Variants in ABHD2 observed in about 807,000 individuals in gnomAD.
The protein encoded by ABHD2 is abhydrolase domain containing 2, acylglycerol lipase.
In ABHD2, 20 loss-of-function variants were observed where a neutral mutation model predicts 48.1. The ratio of observed to expected loss-of-function variants is 0.42; its 90% CI spans 0.29 to 0.60. The LOEUF (loss-of-function observed/expected upper bound fraction) is 0.60. Ranked by LOEUF, ABHD2 falls within the 20% of genes least tolerant of loss-of-function variation. ABHD2 has a pLI of 0.24. For missense variants in ABHD2, 405 were observed against 550.9 expected, an observed-to-expected ratio of 0.74 and a Z score of 2.65; for synonymous variants, 209 against 214.2, an observed-to-expected ratio of 0.98 and a Z score of 0.21.
In ABHD2 at chr15:89,092,431, C is replaced by CT. The variant is rs1901633425; in HGVS notation, c.-107+3870dup. ...ATTAACAAATTAGTTTGGTTTGTTGCTTAAAAACTATTTTGTTTTAAAATT... is the reference window on the plus strand; with the variant it reads ...ATTAACAAATTAGTTTGGTTTGTTGCTTTAAAAACTATTTTGTTTTAAAATT... On this transcript the variant is annotated intron_variant, in intron 1 of 10. Coordinates refer to ENST00000352732, the MANE Select transcript of ABHD2 (RefSeq NM_152924.5). This position sits in a 1 kb window ranked among gnomAD's most constrained non-coding sequence, Gnocchi z 4.4. Among the ~76,000 whole-genome samples the CT allele has an allele frequency of 6.6e-6, 1 of 152,114 alleles. No individual in the cohort carries two copies. The highest frequency in any genetic ancestry group is 1.5e-5 in the Non-Finnish European group (1 of 68,006).
chr15:89,067,387 C>T, the ABHD2 span, among the ~76,000 whole-genome samples: 1 of 152,180 alleles, frequency 6.6e-6, no homozygotes, highest in Non-Finnish European at 1.5e-5. Context: ...GTTTAAGTTA[C>T]AATCGATCTA....
intron 3 of ABHD2, among the ~76,000 whole-genome samples, chr15:89,124,672 G>A (rs2050104247): frequency 6.6e-6 from 1 of 152,218 alleles, no homozygotes; most frequent in South Asian, 2.1e-4. Flanking sequence ...GAGTTGTGCA[G>A]ACTGGGCATG....
chr15:89,185,424 G>A lies in ABHD2; in HGVS notation c.723G>A (p.Arg241=). Residue 241 remains arginine, a splice_region_variant and synonymous_variant, in exon 7 of 11, where the codon AGG becomes AGA. Coordinates refer to ENST00000352732, the MANE Select transcript of ABHD2 (RefSeq NM_152924.5). The surrounding 1 kb of genome is among the most constrained non-coding windows in gnomAD (Gnocchi z 5.9). The part of the protein sequence containing the change: ...VSVCQGYSAL[R]AQETFMQWDQ... ...CCCTCACTCGCTGTGGTTCTTCCAGGGCCCAGGAAACCTTCATGCAATGGG... is the reference window on the plus strand; with the variant it reads ...CCCTCACTCGCTGTGGTTCTTCCAGAGCCCAGGAAACCTTCATGCAATGGG... The A allele has an allele frequency of 1.2e-6, 2 of 1,613,996 alleles. No homozygotes were observed. The highest frequency in any genetic ancestry group is 1.1e-5 in the South Asian group (1 of 91,074).
Position 89,189,154 on chromosome 15 carries a change from T to C in ABHD2, c.926+851T>C. ...AAAAAGGAAAAGTTGACCTCTGATCTCATCATTCTCTTTAAATACGTGATC... is the reference window on the plus strand; with the variant it reads ...AAAAAGGAAAAGTTGACCTCTGATCCCATCATTCTCTTTAAATACGTGATC... On this transcript the variant is annotated intron_variant, in intron 8 of 10. Transcript: ENST00000352732. This position sits in a 1 kb window ranked among gnomAD's most constrained non-coding sequence, Gnocchi z 4.9. Among the ~76,000 whole-genome samples, 1 of 152,208 alleles carries C rather than the reference T, an allele frequency of 6.6e-6. No individual in the cohort carries two copies. The highest frequency in any genetic ancestry group is 1.9e-4 in the East Asian group (1 of 5,186).
chr15:89,202,206 T>C lies in ABHD2; in HGVS notation c.*6783T>C, dbSNP rs2051472726. 2 of 158,828 alleles carry C rather than the reference T, an allele frequency of 1.3e-5. No homozygotes were observed. The highest frequency in any genetic ancestry group is 4.8e-5 in the African/African-American group (2 of 41,516). 9.8% of individuals were successfully genotyped at this position (158,828 alleles called of 1,614,324 possible). A position where few individuals can be genotyped will look rare whatever the true frequency, so the allele number is the denominator to read the frequency against. On this transcript the variant is annotated 3_prime_UTR_variant, in exon 11 of 11. Transcript: ENST00000352732. ...CTTTATTAAGAAATTATACTAAACA[T>C]TGATGTCCTTGATCATTTTATGTTC... is the stretch of plus-strand genomic sequence containing the variant.
chr15:89,058,541 G>A, the ABHD2 span, among the ~76,000 whole-genome samples: 1,010 of 152,252 alleles, frequency 6.6e-3, 14 homozygotes, highest in African/African-American at 0.023. Context: ...AACATGGCCC[G>A]AGGAGGTGCA....
At chr15:89,131,203 C>T (rs573799068) in intron 3 of ABHD2, among the ~76,000 whole-genome samples, 59 of 152,318 alleles carry the variant, frequency 3.9e-4, no homozygotes, top group African/African-American at 1.4e-3. Flanking sequence ...GGTCCAGCAT[C>T]AGCCCTCGCT....
At chr15:89,093,767 C>T (rs1040849410) in intron 1 of ABHD2, 17 of 152,196 alleles carry the variant, frequency 1.1e-4, no homozygotes, top group African/African-American at 4.1e-4. Context: ...CCTGACCTGG[C>T]CTCGCTAACA....
rs958453859 is a variant in ABHD2 at position 89,196,052 on chromosome 15, C to G, written c.*629C>G. On this transcript the variant is annotated 3_prime_UTR_variant, in exon 11 of 11. Coordinates refer to ENST00000352732, the MANE Select transcript of ABHD2 (RefSeq NM_152924.5). ...CGTGAGGCACTTGTTAAAAATTCAGCCTCCCAGGTCCCTCCCCTCGGAGAG... is the reference window on the plus strand; with the variant it reads ...CGTGAGGCACTTGTTAAAAATTCAGGCTCCCAGGTCCCTCCCCTCGGAGAG... 1 of 152,624 alleles carries G rather than the reference C, an allele frequency of 6.6e-6. No individual in the cohort carries two copies. The highest frequency in any genetic ancestry group is 2.4e-5 in the African/African-American group (1 of 41,438). The allele number at this position is 152,624 out of a possible 1,614,324, so 9.5% of individuals were successfully genotyped here.
intron 5 of ABHD2, among the ~76,000 whole-genome samples, chr15:89,170,705 G>A (rs2050911580): frequency 6.6e-6 from 1 of 152,152 alleles, no homozygotes; most frequent in African/African-American, 2.4e-5. Flanking sequence ...CCAGTCCTGG[G>A]TATTGGCAAA....
rs1046013667 is a variant in ABHD2, at chr15:89,195,218, C to G, written c.1082-9C>G. ...AACAGTAACTCACTCAGCTGCGTTTCCCCTGCAGAGAAACGAGAGAACGTC... is the reference window on the plus strand; with the variant it reads ...AACAGTAACTCACTCAGCTGCGTTTGCCCTGCAGAGAAACGAGAGAACGTC... On this transcript the variant is annotated splice_polypyrimidine_tract_variant and intron_variant, in intron 10 of 10. Transcript: ENST00000352732. This position sits in a 1 kb window ranked among gnomAD's most constrained non-coding sequence, Gnocchi z 5.1. 5 of 1,611,718 alleles carry G rather than the reference C, an allele frequency of 3.1e-6. No individual in the cohort carries two copies. The African/African-American group carries it at 6.7e-5, about 22-fold the overall frequency.
chr15:89,134,364 G>A (rs1479410278), intron 3 of ABHD2, among the ~76,000 whole-genome samples: 4 of 151,810 alleles, frequency 2.6e-5, no homozygotes, highest in Admixed American at 6.6e-5. Flanking sequence ...TTTTCAAGAC[G>A]GCTACACTTT....
upstream of ABHD2, among the ~76,000 whole-genome samples, chr15:89,083,500 A>G (rs552432286): frequency 8.1e-4 from 123 of 152,262 alleles, no homozygotes; most frequent in African/African-American, 2.8e-3. The surrounding 1 kb of genome is among the most constrained non-coding windows in gnomAD (Gnocchi z 5.1). Context: ...ACGTGCGTGT[A>G]TGTGTGTTTG....
At chr15:89,183,380 A>ATATATATAT (rs1198026419) in intron 6 of ABHD2, 27 of 58,348 alleles carry the variant, frequency 4.6e-4, no homozygotes, top group African/African-American at 1.4e-3. Flanking sequence ...AAAAAAAAAA[A>ATATATATAT]AAAAATATAT....
At position 89,179,982 on chromosome 15, in the gene ABHD2, G is replaced by A. The variant is rs1385593096; in HGVS notation, c.722+3987G>A. 6.6e-6 allele frequency among the ~76,000 whole-genome samples: 1 copy of A among 152,182 alleles called. No homozygotes were observed. Among genetic ancestry groups the A allele is most frequent in the Non-Finnish European group, 1.5e-5 (1 of 68,032 alleles). On this transcript the variant is annotated intron_variant, in intron 6 of 10. Transcript: ENST00000352732. The surrounding 1 kb of genome is among the most constrained non-coding windows in gnomAD (Gnocchi z 4.3). The stretch of plus-strand genomic sequence containing the variant: ...CTTGCTTTTGATGGGCAAACTTCAG[G>A]CTAGAGATGAGTTTATGGCAAAAGC...
intron 3 of ABHD2, among the ~76,000 whole-genome samples, chr15:89,117,543 T>C (rs143733361): frequency 4.6e-4 from 70 of 152,338 alleles, no homozygotes; most frequent in Non-Finnish European, 9.0e-4. Flanking sequence ...CCCACTCCTT[T>C]TGTCATGCTG....
At chr15:89,050,937 TA>T in the ABHD2 span, among the ~76,000 whole-genome samples, 48 of 146,182 alleles carry the variant, frequency 3.3e-4, no homozygotes, top group South Asian at 4.3e-4. Flanking sequence ...GAAGATAAAT[TA>T]AAAAAAAAAA....
rs573312729 is a variant in ABHD2, at chr15:89,177,214, A to T, written c.722+1219A>T. On this transcript the variant is annotated intron_variant, in intron 6 of 10. Transcript: ENST00000352732. The surrounding 1 kb of genome is among the most constrained non-coding windows in gnomAD (Gnocchi z 5.6). The stretch of plus-strand genomic sequence containing the variant: ...GATGATGATAAGCAGTACCTACCTC[A>T]TAGCACCGCTGAGAGTCAAATGAGT... 1.3e-5 allele frequency among the ~76,000 whole-genome samples: 2 copies of T among 152,354 alleles called. No homozygotes were observed. The highest frequency in any genetic ancestry group is 2.9e-5 in the Non-Finnish European group (2 of 68,036).
chr15:89,125,387 C>G (rs137858739), intron 3 of ABHD2, among the ~76,000 whole-genome samples: 272 of 152,280 alleles, frequency 1.8e-3, no homozygotes, highest in African/African-American at 6.2e-3. Flanking sequence ...TATTCACCTG[C>G]AAACTTATAT....
Sources: gnomAD v4.1 joint callset for allele counts (sites outside exome capture counted in the v4.1 genomes callset) on GRCh38, gnomAD v4.1.1 for gene constraint, Gnocchi (gnomAD v3.1) non-coding constraint, MANE v1.5 for transcripts, NCBI Gene and HGNC (gene_info 2026-07-23, HGNC 2026-07-21) for gene names.